The following IGF2BP2 variants were observed in gnomAD, a reference collection of about 807,000 sequenced individuals.
IGF2BP2 encodes the protein insulin-like growth factor 2 mRNA-binding protein 2.
A neutral mutation model predicts 75.8 loss-of-function variants in IGF2BP2; 17 were observed. The observed-to-expected ratio is 0.22, with a 90% CI of 0.15 to 0.34. The LOEUF (loss-of-function observed/expected upper bound fraction) is 0.34, where lower values mean the gene tolerates loss of function less well. Ranked by LOEUF, IGF2BP2 falls within the 10% of genes least tolerant of loss-of-function variation. The probability of loss-of-function intolerance (pLI) is 1.00; values close to 1 mark genes in which losing one functional copy is unlikely to be tolerated. For synonymous variants in IGF2BP2, 288 were observed against 295.6 expected (o/e 0.97, Z 0.26); for missense variants, 516 against 772.4 (o/e 0.67, Z 3.93).
chr3:185,652,511 T>C (rs1158753480), intron 12 of IGF2BP2, among the ~76,000 whole-genome samples: 1 of 152,192 alleles, frequency 6.6e-6, no homozygotes, highest in Non-Finnish European at 1.5e-5. Context: ...AAGAGGGATG[T>C]GTAGGCTCTG....
At chr3:185,669,765 T>C (rs1156542239) in intron 10 of IGF2BP2, among the ~76,000 whole-genome samples, 1 of 152,144 alleles carries the variant, frequency 6.6e-6, no homozygotes, top group Non-Finnish European at 1.5e-5. Flanking sequence ...TCCTTGAAAT[T>C]TGAATGCCTA....
At chr3:185,713,503 C>G (rs774109169) in intron 2 of IGF2BP2, 2 of 519,794 alleles carry the variant, frequency 3.8e-6, no homozygotes, top group South Asian at 2.8e-5. Flanking sequence ...GTAAGATAGA[C>G]TCCAAAGGCA....
At chr3:185,729,476 G>A (rs922668222) in intron 2 of IGF2BP2, among the ~76,000 whole-genome samples, 1 of 152,096 alleles carries the variant, frequency 6.6e-6, no homozygotes, top group South Asian at 2.1e-4. Context: ...ACTATTATGA[G>A]CTTGCAGCTT....
intron 2 of IGF2BP2, among the ~76,000 whole-genome samples, chr3:185,788,638 G>A (rs1018767029): frequency 6.6e-6 from 1 of 150,744 alleles, no homozygotes; most frequent in African/African-American, 2.4e-5. Context: ...GGTTCCTGTG[G>A]AAAAACAAAC....
intron 2 of IGF2BP2, among the ~76,000 whole-genome samples, chr3:185,765,848 A>G (rs1458835537): frequency 6.6e-6 from 1 of 152,232 alleles, no homozygotes; most frequent in Non-Finnish European, 1.5e-5. Context: ...AATGGTAACA[A>G]GATTTTGGGG....
At chr3:185,747,418 C>T (rs1445029094) in intron 2 of IGF2BP2, among the ~76,000 whole-genome samples, 1 of 152,136 alleles carries the variant, frequency 6.6e-6, no homozygotes, top group Non-Finnish European at 1.5e-5. Flanking sequence ...GTGGCTCACA[C>T]CTGTAATCCC....
intron 2 of IGF2BP2, among the ~76,000 whole-genome samples, chr3:185,772,203 C>T (rs904193356): frequency 3.3e-5 from 5 of 152,094 alleles, no homozygotes; most frequent in Non-Finnish European, 7.4e-5. Context: ...TAGAATAATG[C>T]CTGGCCGATA....
chr3:185,817,150 T>G (rs995090987), intron 2 of IGF2BP2, among the ~76,000 whole-genome samples: 1 of 152,172 alleles, frequency 6.6e-6, no homozygotes, highest in African/African-American at 2.4e-5. Flanking sequence ...CTAAACAGAA[T>G]GGGAAAATCC....
rs187390041 is a variant in IGF2BP2, at chr3:185,766,090, G to C, written c.239+57063C>G. ...GAGGTTCTAAGAACCCGATGGCTGG[G>C]TAGCAAACTCATCCTTCTCGGGATG... On this transcript the variant is annotated intron_variant, in intron 2 of 15. Transcript: ENST00000382199. 6.6e-5 allele frequency among the ~76,000 whole-genome samples: 10 copies of C among 152,276 alleles called. No individual in the cohort carries two copies. The East Asian group carries it at 1.7e-3, about 26-fold the overall frequency.
intron 2 of IGF2BP2, among the ~76,000 whole-genome samples, chr3:185,822,256 AT>A (rs1263654809): frequency 9.2e-5 from 14 of 152,208 alleles, no homozygotes; most frequent in Admixed American, 9.2e-4. Context: ...CAAAAACTTC[AT>A]TGAACAGCTC....
At chr3:185,761,797 A>C (rs770504586) in intron 2 of IGF2BP2, among the ~76,000 whole-genome samples, 1 of 152,254 alleles carries the variant, frequency 6.6e-6, no homozygotes, top group Non-Finnish European at 1.5e-5. Flanking sequence ...GTTAGGATTT[A>C]AACACCACTG....
intron 12 of IGF2BP2, among the ~76,000 whole-genome samples, chr3:185,655,228 T>A (rs2149083120): frequency 6.6e-6 from 1 of 152,224 alleles, no homozygotes; most frequent in African/African-American, 2.4e-5. Flanking sequence ...GCCTCCCAGG[T>A]TCAAGTGATT....
At chr3:185,823,648 G>A (rs1053614931) in intron 1 of IGF2BP2, among the ~76,000 whole-genome samples, 1 of 151,716 alleles carries the variant, frequency 6.6e-6, no homozygotes, top group Admixed American at 6.6e-5. Flanking sequence ...CCGAGAAAAC[G>A]AGCCGAAGCC....
chr3:185,824,090 TAGG>T (rs946580782), intron 1 of IGF2BP2, among the ~76,000 whole-genome samples: 1 of 149,150 alleles, frequency 6.7e-6, no homozygotes, highest in Non-Finnish European at 1.5e-5. Context: ...CAGAGAAAAA[TAGG>T]AGCGCTTGAG....
In IGF2BP2 at chr3:185,754,626, T is replaced by C. The variant is rs189724321; in HGVS notation, c.240-56279A>G. ...AACTTCTTAAAGACTGGTTAAATGG[T>C]TGTGACTAAAATGCTGATAGAGATA... is the stretch of plus-strand genomic sequence containing the variant. On this transcript the variant is annotated intron_variant, in intron 2 of 15. Transcript: ENST00000382199. 2.6e-5 allele frequency among the ~76,000 whole-genome samples: 4 copies of C among 152,082 alleles called. No homozygotes were observed. The East Asian group carries it at 5.8e-4, about 22-fold the overall frequency.
chr3:185,670,850 G>A lies in IGF2BP2; in HGVS notation c.1200+1691C>T, dbSNP rs142464251. Among the ~76,000 whole-genome samples, 448 of 152,274 alleles carry A rather than the reference G, an allele frequency of 2.9e-3. 3 individuals carry two copies. Among genetic ancestry groups the A allele is most frequent in the African/African-American group, 0.01 (424 of 41,550 alleles). On this transcript the variant is annotated intron_variant, in intron 10 of 15. Coordinates refer to ENST00000382199, the MANE Select transcript of IGF2BP2 (RefSeq NM_006548.6). ...CTCCCAAAGTGCTGGGATTACAGGC[G>A]TGAGCCATCATGCCCGGCCTAGATT...
intron 10 of IGF2BP2, among the ~76,000 whole-genome samples, chr3:185,671,246 G>A (rs563992082): frequency 6.6e-6 from 1 of 152,278 alleles, no homozygotes; most frequent in African/African-American, 2.4e-5. Context: ...GGTATGAAGA[G>A]ATTTAGAAAT....
chr3:185,649,871 T>C (rs948491723), intron 13 of IGF2BP2, among the ~76,000 whole-genome samples: 2 of 152,194 alleles, frequency 1.3e-5, no homozygotes, highest in Non-Finnish European at 1.5e-5. Flanking sequence ...TTATCACCTA[T>C]AAAGATTTGC....
chr3:185,714,631 G>A lies in IGF2BP2; in HGVS notation c.240-16284C>T, dbSNP rs201614965. ...TCTTGTTTGCATTTTAATTACAAAT[G>A]AGGGTGATCATTTTTCATATATTAA... is the stretch of plus-strand genomic sequence containing the variant. On this transcript the variant is annotated intron_variant, in intron 2 of 15. Transcript: ENST00000382199. Among the ~76,000 whole-genome samples the A allele has an allele frequency of 3.3e-5, 5 of 152,300 alleles. No individual in the cohort carries two copies. The East Asian group carries it at 7.7e-4, about 23-fold the overall frequency.
Sources: gnomAD v4.1 joint callset for allele counts (sites outside exome capture counted in the v4.1 genomes callset) on GRCh38, gnomAD v4.1.1 for gene constraint, MANE v1.5 for transcripts, NCBI Gene and HGNC (gene_info 2026-07-23, HGNC 2026-07-21) for gene names.